The following FAM227B variants were observed in gnomAD, a reference collection of about 807,000 sequenced individuals.
The protein encoded by FAM227B is family with sequence similarity 227 member B.
A neutral mutation model predicts 73.8 loss-of-function variants in FAM227B; 88 were observed. The observed-to-expected ratio is 1.19, with a 90% CI of 1.00 to 1.42. The LOEUF is 1.42. Among genes scored for constraint, FAM227B ranks in the 40% most tolerant of loss-of-function variants. The pLI is 0.00. For missense variants in FAM227B, 632 were observed against 590.9 expected, an observed-to-expected ratio of 1.07 and a Z score of -0.72; for synonymous variants, 210 against 190.5, an observed-to-expected ratio of 1.10 and a Z score of -0.84.
intron 14 of FAM227B, among the ~76,000 whole-genome samples, chr15:49,333,206 C>T (rs2039110660): frequency 6.6e-6 from 1 of 152,072 alleles, no homozygotes; most frequent in Non-Finnish European, 1.5e-5. Flanking sequence ...TTAAAGTGTA[C>T]AGTTCAGTGG....
chr15:49,585,398 C>T (rs1402571603), intron 5 of FAM227B, among the ~76,000 whole-genome samples: 1 of 152,152 alleles, frequency 6.6e-6, no homozygotes, highest in Non-Finnish European at 1.5e-5. Context: ...CACACGTATG[C>T]TTACTGCGGC....
At chr15:49,360,240 G>GA (rs34095368) in intron 13 of FAM227B, among the ~76,000 whole-genome samples, 60,886 of 147,286 alleles carry the variant, frequency 0.41, 12,523 homozygotes, top group African/African-American at 0.44. Flanking sequence ...ATAGTATAAG[G>GA]AAAAAAAAAA....
At position 49,327,326 on chromosome 15, in the gene FAM227B, C is replaced by T. The variant is rs968388401; in HGVS notation, c.*1242G>A. 27 of 152,282 alleles carry T rather than the reference C, an allele frequency of 1.8e-4. No homozygotes were observed. The highest frequency in any genetic ancestry group is 6.5e-4 in the African/African-American group (27 of 41,544). 9.4% of individuals were successfully genotyped at this position (152,282 alleles called of 1,614,324 possible). ...GACTGCCCTCTGCTTTGTGGAAAGG[C>T]TTGGTTAATTTTCCATTAGAGATTC... On this transcript the variant is annotated 3_prime_UTR_variant, in exon 16 of 16. Transcript: ENST00000299338.
chr15:49,407,279 A>G (rs1472172251), intron 11 of FAM227B, among the ~76,000 whole-genome samples: 1 of 152,144 alleles, frequency 6.6e-6, no homozygotes, highest in African/African-American at 2.4e-5. Flanking sequence ...GCCCATGGTG[A>G]GAGCCGGTTG....
At chr15:49,390,097 C>T (rs1258829513) in intron 11 of FAM227B, among the ~76,000 whole-genome samples, 4 of 151,938 alleles carry the variant, frequency 2.6e-5, no homozygotes, top group Non-Finnish European at 4.4e-5. Context: ...AGTATGAACA[C>T]GGGGCTTGCT....
chr15:49,363,084 T>C (rs955283943), intron 13 of FAM227B, among the ~76,000 whole-genome samples: 10 of 152,234 alleles, frequency 6.6e-5, no homozygotes, highest in Admixed American at 5.9e-4. Context: ...CCTTTTTGCT[T>C]AAGATTGTCT....
intron 3 of FAM227B, among the ~76,000 whole-genome samples, chr15:49,600,142 C>G (rs2077100963): frequency 6.6e-6 from 1 of 151,974 alleles, no homozygotes; most frequent in Non-Finnish European, 1.5e-5. Flanking sequence ...CAAATTGACC[C>G]TTTTATTATT....
chr15:49,468,297 A>G (rs958325779), intron 11 of FAM227B, among the ~76,000 whole-genome samples: 1 of 152,144 alleles, frequency 6.6e-6, no homozygotes, highest in African/African-American at 2.4e-5. Flanking sequence ...TTTCAGTTAT[A>G]CTTGATACCA....
intron 11 of FAM227B, among the ~76,000 whole-genome samples, chr15:49,448,083 C>T (rs2052388862): frequency 6.6e-6 from 1 of 151,610 alleles, no homozygotes; most frequent in Non-Finnish European, 1.5e-5. Flanking sequence ...CTTATCAGAA[C>T]TTCAAAAGAC....
chr15:49,499,115 G>A lies in FAM227B; in HGVS notation c.1012+9096C>T, dbSNP rs796337769. On this transcript the variant is annotated intron_variant, in intron 11 of 15. Transcript: ENST00000299338. ...CGGGAGGCGGAGCTTGCAGTGAGCC[G>A]AGATCCCGCCACTGCACTCCAGCCT... Among the ~76,000 whole-genome samples the A allele has an allele frequency of 5.0e-3, 647 of 129,066 alleles. 9 individuals carry two copies. Among genetic ancestry groups the A allele is most frequent in the African/African-American group, 0.018 (609 of 34,166 alleles). The allele number at this position is 129,066 out of a possible 152,430, so 84.7% of individuals were successfully genotyped here. A position where few individuals can be genotyped will look rare whatever the true frequency, so the allele number is the denominator to read the frequency against.
chr15:49,489,209 T>A, intron 11 of FAM227B: 1 of 982,182 alleles, frequency 1.0e-6, no homozygotes, highest in South Asian at 4.7e-5. Flanking sequence ...ACAGGCTGCC[T>A]GATCCAAGTC....
chr15:49,431,133 T>C (rs1487308822), intron 11 of FAM227B, among the ~76,000 whole-genome samples: 1 of 151,840 alleles, frequency 6.6e-6, no homozygotes, highest in Non-Finnish European at 1.5e-5. Context: ...TTAAGTAATA[T>C]GGAGAAAAAT....
intron 9 of FAM227B, among the ~76,000 whole-genome samples, chr15:49,542,805 T>C (rs905331249): frequency 1.3e-5 from 2 of 151,624 alleles, no homozygotes; most frequent in Admixed American, 6.6e-5. Context: ...GTTTCTTATA[T>C]AGGTAAATTA....
chr15:49,359,288 A>G (rs961502184), intron 13 of FAM227B, among the ~76,000 whole-genome samples: 2 of 131,030 alleles, frequency 1.5e-5, no homozygotes, highest in Non-Finnish European at 3.4e-5. Context: ...AACTACCATC[A>G]GAGTGAACAG....
intron 11 of FAM227B, among the ~76,000 whole-genome samples, chr15:49,479,604 T>TTTGTTTG: frequency 1.5e-5 from 1 of 68,380 alleles, no homozygotes; most frequent in African/African-American, 6.4e-5. Context: ...CCTCTGTTTT[T>TTTGTTTG]TTTTTTTTTT....
At chr15:49,534,186 T>C (rs2060833567) in intron 10 of FAM227B, among the ~76,000 whole-genome samples, 1 of 151,732 alleles carries the variant, frequency 6.6e-6, no homozygotes. Flanking sequence ...CTCACTACCT[T>C]AAGATCAAGA....
intron 11 of FAM227B, among the ~76,000 whole-genome samples, chr15:49,383,966 G>A (rs1255492393): frequency 1.3e-5 from 2 of 151,954 alleles, no homozygotes; most frequent in African/African-American, 2.4e-5. Context: ...TCTGTTTCTT[G>A]TTTTAACATC....
chr15:49,588,937 CAT>C (rs1350238575), intron 4 of FAM227B, among the ~76,000 whole-genome samples: 1 of 151,718 alleles, frequency 6.6e-6, no homozygotes, highest in African/African-American at 2.4e-5. Context: ...ACCAAAATAA[CAT>C]AATGAATCTA....
chr15:49,615,227 T>C lies in FAM227B; in HGVS notation c.-56A>G. 6.5e-7 allele frequency: 1 copy of C among 1,539,680 alleles called. No homozygotes were observed. ...ATCAGCTGGGTCTTAGGCTTCAATGTGAGTTGGGCGACCAAACTGGGGTAT... is the reference window on the plus strand; with the variant it reads ...ATCAGCTGGGTCTTAGGCTTCAATGCGAGTTGGGCGACCAAACTGGGGTAT... On this transcript the variant is annotated 5_prime_UTR_variant, in exon 2 of 16. Transcript: ENST00000299338.
Sources: allele counts gnomAD v4.1 joint callset (sites outside exome capture counted in the v4.1 genomes callset), GRCh38; gene constraint gnomAD v4.1.1; transcripts MANE v1.5; gene names NCBI Gene and HGNC (gene_info 2026-07-23, HGNC 2026-07-21).